ELAPOR2: variants seen among roughly 807,000 people sequenced by gnomAD.
ELAPOR2 encodes the protein endosome/lysosome-associated apoptosis and autophagy regulator family member 2.
A neutral mutation model predicts 120.7 loss-of-function variants in ELAPOR2; 89 were observed. That is an observed-to-expected ratio of 0.74 (90% CI 0.62 to 0.88). The LOEUF is 0.88. Among genes scored for constraint, ELAPOR2 ranks in the 40% least tolerant of loss-of-function variants. The pLI is 0.00. For synonymous variants in ELAPOR2, 444 were observed against 444.9 expected, an observed-to-expected ratio of 1.00 and a Z score of 0.03; for missense variants, 1,134 against 1,251.6, an observed-to-expected ratio of 0.91 and a Z score of 1.42.
chr7:87,019,323 C>A (rs1449990310), intron 1 of ELAPOR2, among the ~76,000 whole-genome samples: 2 of 152,080 alleles, frequency 1.3e-5, no homozygotes, highest in Admixed American at 1.3e-4. Flanking sequence ...GCTACTACAC[C>A]AATTTAAGTT....
At chr7:86,907,459 C>CATACAAGAG (rs1171643057) in intron 18 of ELAPOR2, among the ~76,000 whole-genome samples, 3 of 150,326 alleles carry the variant, frequency 2.0e-5, no homozygotes, top group Non-Finnish European at 3.0e-5. Flanking sequence ...AAGAATATGT[C>CATACAAGAG]ATACAAGAGG....
At chr7:86,904,665 T>C (rs1416983004) in intron 18 of ELAPOR2, among the ~76,000 whole-genome samples, 1 of 152,172 alleles carries the variant, frequency 6.6e-6, no homozygotes, top group African/African-American at 2.4e-5. Context: ...CCCAGATAAT[T>C]TGCTGTTCCC....
At chr7:87,043,515 T>C (rs1794850954) in intron 1 of ELAPOR2, among the ~76,000 whole-genome samples, 1 of 151,250 alleles carries the variant, frequency 6.6e-6, no homozygotes, top group East Asian at 1.9e-4. Context: ...AAAAACCACA[T>C]GATTATCTCA....
rs1006130855 is a variant in ELAPOR2 at position 87,032,690 on chromosome 7, GCT to G, written c.189+26633_189+26634del. ...TCTTCACATAGAAGAACCACAGACA[GCT>G]CTGTTTCTTTAAAACATTCTCCTAA... On this transcript the variant is annotated intron_variant, in intron 1 of 21. Coordinates refer to ENST00000450689, the MANE Select transcript of ELAPOR2 (RefSeq NM_001142749.3). Among the ~76,000 whole-genome samples, 11 of 152,126 alleles carry G rather than the reference GCT, an allele frequency of 7.2e-5. No individual in the cohort carries two copies. The East Asian group carries it at 1.2e-3, about 16-fold the overall frequency.
rs577290991 is a variant in ELAPOR2 at position 86,979,647 on chromosome 7, A to C, written c.190-14623T>G. Among the ~76,000 whole-genome samples the C allele has an allele frequency of 3.9e-5, 6 of 152,336 alleles. No homozygotes were observed. In the East Asian group the frequency reaches 7.7e-4, roughly 20 times the overall value. ...TAAAGCCAGAATGTGGAGAGAATGC[A>C]AGACAGGGTATAGAGTAATAAAAGA... On this transcript the variant is annotated intron_variant, in intron 1 of 21. Transcript: ENST00000450689.
At chr7:86,981,256 G>C (rs965941937) in intron 1 of ELAPOR2, among the ~76,000 whole-genome samples, 1 of 152,140 alleles carries the variant, frequency 6.6e-6, no homozygotes, top group Non-Finnish European at 1.5e-5. Context: ...TAAGCCATCT[G>C]TTTCCTGCTG....
chr7:86,985,834 C>G (rs1792710133), intron 1 of ELAPOR2, among the ~76,000 whole-genome samples: 1 of 149,274 alleles, frequency 6.7e-6, no homozygotes, highest in Non-Finnish European at 1.5e-5. Context: ...CACCCCACAA[C>G]AGGCCCCAGT....
chr7:86,964,823 C>A, intron 2 of ELAPOR2, 81 bp downstream of exon 2: 1 of 1,452,356 alleles, frequency 6.9e-7, no homozygotes, highest in South Asian at 1.3e-5. Flanking sequence ...CTCCTACATT[C>A]ATTATAATTA....
intron 1 of ELAPOR2, among the ~76,000 whole-genome samples, chr7:86,975,295 G>A (rs1792246736): frequency 6.6e-6 from 1 of 152,308 alleles, no homozygotes; most frequent in South Asian, 2.1e-4. Flanking sequence ...AATAGTATAA[G>A]TGATAAATGG....
intron 1 of ELAPOR2, 34 bp from the exon 2 acceptor site, chr7:86,965,058 A>G (rs1333601276): frequency 1.9e-6 from 3 of 1,550,766 alleles, no homozygotes; most frequent in Middle Eastern, 1.7e-4. Flanking sequence ...CCTTTGTTAG[A>G]GCCAGTTCTA....
intron 10 of ELAPOR2, among the ~76,000 whole-genome samples, chr7:86,920,270 C>G (rs1789769631): frequency 6.6e-6 from 1 of 152,218 alleles, no homozygotes; most frequent in Non-Finnish European, 1.5e-5. Context: ...CATTGTTTGG[C>G]TATCTAATGT....
intron 1 of ELAPOR2, among the ~76,000 whole-genome samples, chr7:86,976,841 A>C (rs1792298168): frequency 6.6e-6 from 1 of 152,206 alleles, no homozygotes. Context: ...TCAACATATA[A>C]CACCACCAAA....
intron 1 of ELAPOR2, among the ~76,000 whole-genome samples, chr7:87,023,186 G>A (rs56934509): frequency 2.6e-5 from 4 of 152,090 alleles, no homozygotes; most frequent in African/African-American, 9.7e-5. Context: ...TCTAGGGTTT[G>A]TATGGTTTTA....
intron 11 of ELAPOR2, among the ~76,000 whole-genome samples, chr7:86,918,886 A>C (rs1322585762): frequency 6.6e-6 from 1 of 152,174 alleles, no homozygotes; most frequent in East Asian, 1.9e-4. Context: ...GAACTGAGAA[A>C]AAATAGATAA....
chr7:86,942,945 T>A (rs1307712925), intron 4 of ELAPOR2, among the ~76,000 whole-genome samples: 1 of 152,052 alleles, frequency 6.6e-6, no homozygotes. Flanking sequence ...TTTACAAATA[T>A]TAAAATGTTC....
At chr7:86,958,973 T>A (rs1221283050) in intron 2 of ELAPOR2, among the ~76,000 whole-genome samples, 1 of 152,234 alleles carries the variant, frequency 6.6e-6, no homozygotes, top group Non-Finnish European at 1.5e-5. Flanking sequence ...ATGGGATAAC[T>A]TTCCATTTAT....
At chr7:86,992,616 C>T (rs1252560800) in intron 1 of ELAPOR2, among the ~76,000 whole-genome samples, 5 of 152,166 alleles carry the variant, frequency 3.3e-5, no homozygotes, top group Non-Finnish European at 7.3e-5. Context: ...GTTGGACCCA[C>T]ATTATTTCCT....
rs370554726 is a variant in ELAPOR2, at chr7:86,925,705, C to A, written c.1271-49G>T. On this transcript the variant is annotated intron_variant, in intron 9 of 21. Coordinates refer to ENST00000450689, the MANE Select transcript of ELAPOR2 (RefSeq NM_001142749.3). Reference sequence around the variant, plus strand: ...CAATTAAAATTAAACTGCATATGGACAACTTCTACTTTCTCTGTTCCAAAC... The same window carrying A: ...CAATTAAAATTAAACTGCATATGGAAAACTTCTACTTTCTCTGTTCCAAAC... 20 of 1,556,980 alleles carry A rather than the reference C, an allele frequency of 1.3e-5. No homozygotes were observed. The African/African-American group carries it at 2.6e-4, about 20-fold the overall frequency.
intron 19 of ELAPOR2, among the ~76,000 whole-genome samples, chr7:86,897,086 ATACT>A (rs1788472550): frequency 6.6e-6 from 1 of 152,134 alleles, no homozygotes; most frequent in Admixed American, 6.6e-5. Context: ...GAAACAAAAA[ATACT>A]TAAGTATGAA....
Sources: gnomAD v4.1 joint callset for allele counts (sites outside exome capture counted in the v4.1 genomes callset) on GRCh38, gnomAD v4.1.1 for gene constraint, MANE v1.5 for transcripts, NCBI Gene and HGNC (gene_info 2026-07-23, HGNC 2026-07-21) for gene names.